PEX5L: variants seen among roughly 807,000 people sequenced by gnomAD.
PEX5L encodes the protein PEX5-related protein.
A neutral mutation model predicts 84.0 loss-of-function variants in PEX5L; 30 were observed. The ratio of observed to expected loss-of-function variants is 0.36; its 90% CI spans 0.27 to 0.48. The LOEUF (loss-of-function observed/expected upper bound fraction) is 0.48, where lower values mean the gene tolerates loss of function less well. Ranked by LOEUF, PEX5L falls within the 20% of genes least tolerant of loss-of-function variation. The pLI, the probability that PEX5L is intolerant of heterozygous loss-of-function variation, is 0.99. For synonymous variants in PEX5L, 270 were observed against 283.1 expected (o/e 0.95, Z 0.46); for missense variants, 533 against 754.6 (o/e 0.71, Z 3.44).
intron 1 of PEX5L, among the ~76,000 whole-genome samples, chr3:180,021,327 G>C (rs1480635292): frequency 6.6e-6 from 1 of 152,132 alleles, no homozygotes; most frequent in African/African-American, 2.4e-5. Flanking sequence ...CAGCAAAGTA[G>C]GGCTTATAAG....
intron 8 of PEX5L, among the ~76,000 whole-genome samples, chr3:179,853,528 T>C (rs747777527): frequency 6.6e-6 from 1 of 152,172 alleles, no homozygotes; most frequent in Non-Finnish European, 1.5e-5. Flanking sequence ...TGGGAGCTCC[T>C]TCGCAGTTTG....
intron 2 of PEX5L, among the ~76,000 whole-genome samples, chr3:179,963,191 G>C (rs1313118324): frequency 2.0e-5 from 3 of 152,090 alleles, no homozygotes; most frequent in African/African-American, 7.2e-5. Context: ...TGGTAGAGGA[G>C]AGCTAGGTGT....
chr3:179,957,044 G>T (rs1780762049), intron 2 of PEX5L, among the ~76,000 whole-genome samples: 2 of 152,060 alleles, frequency 1.3e-5, no homozygotes, highest in Admixed American at 6.6e-5. Flanking sequence ...TCAATATAAG[G>T]AAACCACTAA....
At chr3:179,858,024 TG>T (rs1349118223) in intron 8 of PEX5L, among the ~76,000 whole-genome samples, 1 of 152,178 alleles carries the variant, frequency 6.6e-6, no homozygotes, top group Admixed American at 6.5e-5. Flanking sequence ...AAATTATGGC[TG>T]GAAGTCTTTC....
chr3:179,809,665 G>T lies in PEX5L; in HGVS notation c.1158C>A (p.Cys386Ter). 6.7e-7 allele frequency: 1 copy of T among 1,482,702 alleles called. No homozygotes were observed. 91.8% of individuals were successfully genotyped at this position (1,482,702 alleles called of 1,614,324 possible). ...TTAAGTTGTTGGGCTGTAATTCTAA[G>T]CACCTGAAAAAAAAAAAGAAGCCAA... ...EQAAIVALQR[C>*]LELQPNNLKA... is the part of the protein sequence containing the mutation. The change falls in exon 12 of 15, where the codon TGC becomes TGA. Residue 386 changes from cysteine to a stop codon, truncating the protein, a stop_gained. Coordinates refer to ENST00000467460, the MANE Select transcript of PEX5L (RefSeq NM_016559.3). LOFTEE classifies it high-confidence loss of function.
intron 1 of PEX5L, among the ~76,000 whole-genome samples, chr3:180,009,555 C>G (rs1789236275): frequency 6.6e-6 from 1 of 150,914 alleles, no homozygotes; most frequent in Admixed American, 6.6e-5. Flanking sequence ...GCATGAGTTA[C>G]TGAAAAAATT....
intron 1 of PEX5L, among the ~76,000 whole-genome samples, chr3:180,002,550 AAATTGT>A (rs1362778878): frequency 6.6e-6 from 1 of 152,006 alleles, no homozygotes; most frequent in Non-Finnish European, 1.5e-5. Context: ...CCCCAGTTGT[AAATTGT>A]GTTTTGGGTC....
At chr3:179,937,601 C>T (rs1425945386) in intron 2 of PEX5L, among the ~76,000 whole-genome samples, 2 of 152,134 alleles carry the variant, frequency 1.3e-5, no homozygotes, top group African/African-American at 2.4e-5. Flanking sequence ...CTACACAGAA[C>T]CTAGGCTTTG....
chr3:179,922,642 C>T (rs1283484045), intron 2 of PEX5L, among the ~76,000 whole-genome samples: 4 of 151,642 alleles, frequency 2.6e-5, no homozygotes, highest in Non-Finnish European at 4.4e-5. Flanking sequence ...TTAGTAGAGA[C>T]GGGGTCTCAC....
intron 7 of PEX5L, among the ~76,000 whole-genome samples, chr3:179,863,051 G>A (rs1306456106): frequency 6.6e-6 from 1 of 152,146 alleles, no homozygotes; most frequent in Non-Finnish European, 1.5e-5. Context: ...ATGGTTAATT[G>A]TTTTTCTACA....
At chr3:179,982,846 A>G (rs1007445549) in intron 1 of PEX5L, among the ~76,000 whole-genome samples, 2 of 152,098 alleles carry the variant, frequency 1.3e-5, no homozygotes, top group African/African-American at 4.8e-5. Context: ...AGTAAGGAGC[A>G]TCTAAAATGC....
intron 8 of PEX5L, among the ~76,000 whole-genome samples, chr3:179,846,404 C>A (rs937271085): frequency 1.3e-5 from 2 of 152,130 alleles, no homozygotes; most frequent in African/African-American, 4.8e-5. Flanking sequence ...ACTATAGTTG[C>A]CCTACTGTGC....
At chr3:179,923,797 G>T (rs1456885481) in intron 2 of PEX5L, among the ~76,000 whole-genome samples, 2 of 152,280 alleles carry the variant, frequency 1.3e-5, no homozygotes, top group East Asian at 3.9e-4. Flanking sequence ...ATGAAGCAAT[G>T]CTTATAAAGT....
At chr3:179,997,586 A>G (rs1004729954) in intron 1 of PEX5L, among the ~76,000 whole-genome samples, 2 of 152,244 alleles carry the variant, frequency 1.3e-5, no homozygotes, top group Admixed American at 1.3e-4. Context: ...GCCACCATCG[A>G]GGACTTGAAA....
chr3:179,855,796 G>C (rs2108502546), intron 8 of PEX5L, among the ~76,000 whole-genome samples: 1 of 152,256 alleles, frequency 6.6e-6, no homozygotes, highest in Middle Eastern at 3.4e-3. Flanking sequence ...CCAGCAAGAA[G>C]GTGCCATCTA....
chr3:179,883,298 C>T (rs1172214109), intron 4 of PEX5L, among the ~76,000 whole-genome samples: 2 of 152,202 alleles, frequency 1.3e-5, no homozygotes. Flanking sequence ...GAGGATGTCG[C>T]TGACTTCACT....
At chr3:179,836,190 C>G (rs1734859691) in intron 8 of PEX5L, among the ~76,000 whole-genome samples, 1 of 152,080 alleles carries the variant, frequency 6.6e-6, no homozygotes, top group African/African-American at 2.4e-5. Flanking sequence ...CTCTAGTTTT[C>G]TCATCTATAA....
intron 4 of PEX5L, among the ~76,000 whole-genome samples, chr3:179,881,962 T>A (rs1173418289): frequency 6.6e-6 from 1 of 152,206 alleles, no homozygotes; most frequent in African/African-American, 2.4e-5. Context: ...GCTGCCTGGC[T>A]TTATGTCTAA....
At chr3:179,849,476 T>C (rs1740945240) in intron 8 of PEX5L, among the ~76,000 whole-genome samples, 1 of 152,246 alleles carries the variant, frequency 6.6e-6, no homozygotes, top group African/African-American at 2.4e-5. Context: ...ATGCCATATT[T>C]TCAAAATTAG....
Sources: allele counts gnomAD v4.1 joint callset (sites outside exome capture counted in the v4.1 genomes callset), GRCh38; gene constraint gnomAD v4.1.1; transcripts MANE v1.5; gene names NCBI Gene and HGNC (gene_info 2026-07-23, HGNC 2026-07-21).